C8orf82: variants seen among roughly 807,000 people sequenced by gnomAD.
C8orf82 encodes UPF0598 protein C8orf82.
A neutral mutation model predicts 15.0 loss-of-function variants in C8orf82; 24 were observed. The observed-to-expected ratio is 1.60, with a 90% CI of 1.16 to 2.24. C8orf82 has a LOEUF of 2.24. Ranked by LOEUF, C8orf82 falls within the 30% of genes most tolerant of loss-of-function variation. C8orf82 has a pLI of 0.00. For synonymous variants in C8orf82, 205 were observed against 152.2 expected (o/e 1.35, Z -2.55); for missense variants, 388 against 317.4 (o/e 1.22, Z -1.69).
chr8:144,529,064 C>G lies in C8orf82; in HGVS notation c.-148G>C, dbSNP rs905144085. On this transcript the variant is annotated 5_prime_UTR_variant, in exon 1 of 3. Transcript: ENST00000524821. ...CGGCGCTCTTCCCTCTCCCTCGGGC[C>G]TCGGGGGCTCGCCCGCCCTGGCCTT... The G allele has an allele frequency of 6.5e-6, 5 of 769,978 alleles. No individual in the cohort carries two copies. Among genetic ancestry groups the G allele is most frequent in the Middle Eastern group, 4.1e-4 (1 of 2,420 alleles). The allele number at this position is 769,978 out of a possible 1,614,324, so 47.7% of individuals were successfully genotyped here.
At chr8:144,528,674 C>G in intron 1 of C8orf82, 87 bp downstream of exon 1, 1 of 613,558 alleles carries the variant, frequency 1.6e-6, no homozygotes, top group Non-Finnish European at 2.0e-6. Context: ...GCAATGGTCC[C>G]GCCCACAGAG....
At position 144,526,172 on chromosome 8, in the gene C8orf82, G is replaced by C. The variant is rs1816352728; in HGVS notation, c.*1170C>G. ...CAAGTGGCCTTGGTGTTTAAATCTT[G>C]CCCTAAATTGTAACTCACATGATTA... On this transcript the variant is annotated 3_prime_UTR_variant, in exon 3 of 3. Coordinates refer to ENST00000524821, the MANE Select transcript of C8orf82 (RefSeq NM_001001795.2). 1 of 152,188 alleles carries C rather than the reference G, an allele frequency of 6.6e-6. No homozygotes were observed. The highest frequency in any genetic ancestry group is 2.1e-4 in the South Asian group (1 of 4,830). The allele number at this position is 152,188 out of a possible 1,614,324, so 9.4% of individuals were successfully genotyped here. A position where few individuals can be genotyped will look rare whatever the true frequency, so the allele number is the denominator to read the frequency against.
chr8:144,527,423 G>A lies in C8orf82; in HGVS notation c.570C>T (p.Pro190=). 1 of 1,244,008 alleles carries A rather than the reference G, an allele frequency of 8.0e-7. No homozygotes were observed. The allele number at this position is 1,244,008 out of a possible 1,614,324, so 77.1% of individuals were successfully genotyped here. Residue 190 remains proline (P), a synonymous_variant, in exon 3 of 3, where the codon CCC becomes CCT. Transcript: ENST00000524821. ...GGCGGCCCTGCCAGCGCACGTGCGA[G>A]GGCAGCGCAGGCGCGCCGGGCCCGT... is the stretch of plus-strand genomic sequence containing the variant. The part of the protein sequence containing the change: ...FEYGPGAPAL[P]SHVRWQGRRL...
At position 144,529,011 on chromosome 8, in the gene C8orf82, G is replaced by A; in HGVS notation, c.-95C>T. On this transcript the variant is annotated 5_prime_UTR_variant, in exon 1 of 3. Coordinates refer to ENST00000524821, the MANE Select transcript of C8orf82 (RefSeq NM_001001795.2). ...GCAGTAGCCCCGCGCTTCGCGTTCC[G>A]GCGGCGCCCGCCTCCGCGACCCGGG... The A allele has an allele frequency of 7.8e-7, 1 of 1,280,092 alleles. No individual in the cohort carries two copies. The highest frequency in any genetic ancestry group is 1.0e-6 in the Non-Finnish European group (1 of 994,694). 79.3% of individuals were successfully genotyped at this position (1,280,092 alleles called of 1,614,324 possible). A position where few individuals can be genotyped will look rare whatever the true frequency, so the allele number is the denominator to read the frequency against.
chr8:144,528,508 G>C (rs901950069), intron 1 of C8orf82: 16 of 1,422,432 alleles, frequency 1.1e-5, no homozygotes, highest in Non-Finnish European at 1.5e-5. Context: ...CAACGCAGCA[G>C]GGACGCGGCC....
At position 144,529,054 on chromosome 8, in the gene C8orf82, T is replaced by G; in HGVS notation, c.-138A>C. 1.2e-6 allele frequency: 1 copy of G among 863,336 alleles called. No individual in the cohort carries two copies. Among genetic ancestry groups the G allele is most frequent in the Non-Finnish European group, 1.6e-6 (1 of 626,326 alleles). 53.5% of individuals were successfully genotyped at this position (863,336 alleles called of 1,614,324 possible). A position where few individuals can be genotyped will look rare whatever the true frequency, so the allele number is the denominator to read the frequency against. On this transcript the variant is annotated 5_prime_UTR_variant, in exon 1 of 3. Coordinates refer to ENST00000524821, the MANE Select transcript of C8orf82 (RefSeq NM_001001795.2). ...GACCCGGGCCCGGCGCTCTTCCCTC[T>G]CCCTCGGGCCTCGGGGGCTCGCCCG...
At position 144,529,063 on chromosome 8, in the gene C8orf82, CCTCGGGGG is replaced by C. The variant is rs1435841860; in HGVS notation, c.-155_-148del. The C allele has an allele frequency of 2.7e-5, 21 of 787,036 alleles. No homozygotes were observed. The highest frequency in any genetic ancestry group is 7.5e-5 in the African/African-American group (4 of 53,430). 48.8% of individuals were successfully genotyped at this position (787,036 alleles called of 1,614,324 possible). A position where few individuals can be genotyped will look rare whatever the true frequency, so the allele number is the denominator to read the frequency against. On this transcript the variant is annotated 5_prime_UTR_variant, in exon 1 of 3. Transcript: ENST00000524821. ...CCGGCGCTCTTCCCTCTCCCTCGGG[CCTCGGGGG>C]CTCGCCCGCCCTGGCCTTCCGAGAG...
In C8orf82 at chr8:144,527,069, C is replaced by T. The variant is rs1816391116; in HGVS notation, c.*273G>A. On this transcript the variant is annotated 3_prime_UTR_variant, in exon 3 of 3. Coordinates refer to ENST00000524821, the MANE Select transcript of C8orf82 (RefSeq NM_001001795.2). ...ACGCTCGCGCACGCGCACCAGAGCC[C>T]CGCGCCCGCCGCCAGTGCCTGACGT... 1.2e-5 allele frequency: 2 copies of T among 167,996 alleles called. No individual in the cohort carries two copies. The highest frequency in any genetic ancestry group is 2.4e-5 in the African/African-American group (1 of 41,716). 10.4% of individuals were successfully genotyped at this position (167,996 alleles called of 1,614,324 possible). A position where few individuals can be genotyped will look rare whatever the true frequency, so the allele number is the denominator to read the frequency against.
rs1197602139 is a variant in C8orf82 at position 144,526,114 on chromosome 8, C to T, written c.*1228G>A. 1 of 152,216 alleles carries T rather than the reference C, an allele frequency of 6.6e-6. No homozygotes were observed. Among genetic ancestry groups the T allele is most frequent in the Admixed American group, 6.5e-5 (1 of 15,278 alleles). 9.4% of individuals were successfully genotyped at this position (152,216 alleles called of 1,614,324 possible). On this transcript the variant is annotated 3_prime_UTR_variant, in exon 3 of 3. Transcript: ENST00000524821. ...AACATTTGCCTGTCCATCAGCTCTT[C>T]CTCCTTTCGAGTCATGTGGAAAGGG...
rs1334313030 is a variant in C8orf82, at chr8:144,526,692, C to G, written c.*650G>C. On this transcript the variant is annotated 3_prime_UTR_variant, in exon 3 of 3. Transcript: ENST00000524821. ...TGGAACGCCCTGTGTCTGCCTCGGG[C>G]GCAGTGCGAGGCCCAAGCTGGTCTT... The G allele has an allele frequency of 1.3e-5, 2 of 152,246 alleles. No homozygotes were observed. Among genetic ancestry groups the G allele is most frequent in the African/African-American group, 4.8e-5 (2 of 41,442 alleles). The allele number at this position is 152,246 out of a possible 1,614,324, so 9.4% of individuals were successfully genotyped here.
rs11557085 is a variant in C8orf82, at chr8:144,527,516, C to T, written c.477G>A (p.Pro159=). Residue 159 remains proline, a synonymous_variant, in exon 3 of 3, where the codon CCG becomes CCA. Coordinates refer to ENST00000524821, the MANE Select transcript of C8orf82 (RefSeq NM_001001795.2). ...AANGRLYHPA[P]ERAGGVGLVR... ...CCAGGCCCACGCCGCCCGCACGCTC[C>T]GGCGCCGGGTGGTACAGGCGCCCGT... 0.46 allele frequency: 611,995 copies of T among 1,330,872 alleles called. 145,457 individuals are homozygous for T. Among genetic ancestry groups the T allele is most frequent in the South Asian group, 0.56 (32,269 of 57,128 alleles). 82.4% of individuals were successfully genotyped at this position (1,330,872 alleles called of 1,614,324 possible).
At chr8:144,528,374 C>G (rs778951078) in intron 1 of C8orf82, 2 of 1,499,796 alleles carry the variant, frequency 1.3e-6, no homozygotes, top group South Asian at 1.2e-5. Flanking sequence ...TGCTGCCTCC[C>G]GGACATGCAG....
rs1294433381 is a variant in C8orf82 at position 144,526,392 on chromosome 8, C to T, written c.*950G>A. ...TGGCTCCAGGCCTGGCCCACTCAGC[C>T]TCCCCCAGGAAGGCTTCTCAAGTGG... On this transcript the variant is annotated 3_prime_UTR_variant, in exon 3 of 3. Transcript: ENST00000524821. 6.6e-6 allele frequency: 1 copy of T among 152,234 alleles called. No individual in the cohort carries two copies. Among genetic ancestry groups the T allele is most frequent in the East Asian group, 1.9e-4 (1 of 5,186 alleles). The allele number at this position is 152,234 out of a possible 1,614,324, so 9.4% of individuals were successfully genotyped here. A position where few individuals can be genotyped will look rare whatever the true frequency, so the allele number is the denominator to read the frequency against.
intron 1 of C8orf82, 22 bp downstream of exon 1, chr8:144,528,739 C>T (rs767193462): frequency 1.7e-6 from 2 of 1,192,812 alleles, no homozygotes; most frequent in Non-Finnish European, 1.1e-6. Flanking sequence ...GCCTCTCGAG[C>T]AACGGCCCTG....
Position 144,527,227 on chromosome 8 carries a change from G to T in C8orf82, c.*115C>A, listed in dbSNP as rs937538849. On this transcript the variant is annotated 3_prime_UTR_variant, in exon 3 of 3. Coordinates refer to ENST00000524821, the MANE Select transcript of C8orf82 (RefSeq NM_001001795.2). ...GCGCCGGGTGGGGGCGGGGCCGAGC[G>T]CGCAGGCGCACTAGGCTGCCGCGAG... 2.3e-5 allele frequency: 16 copies of T among 690,648 alleles called. No homozygotes were observed. The highest frequency in any genetic ancestry group is 2.3e-4 in the African/African-American group (12 of 51,934). 42.8% of individuals were successfully genotyped at this position (690,648 alleles called of 1,614,324 possible).
rs772819100 is a variant in C8orf82 at position 144,527,701 on chromosome 8, A to G, written c.292T>C (p.Cys98Arg). Residue 98 changes from cysteine (C) to arginine (R), a missense_variant, in exon 3 of 3, where the codon TGC becomes CGC. Cys to Arg is a radical substitution (Grantham distance 180). Transcript: ENST00000524821. ...YEAAFPFLSP[C>R]GRERNFLRCE... ...CGCAGGAAGTTGCGCTCTCTGCCGC[A>G]GGGCGAGAGGAAGGGGAAAGCGGCC... 3.8e-6 allele frequency: 6 copies of G among 1,585,152 alleles called. No individual in the cohort carries two copies. The highest frequency in any genetic ancestry group is 5.1e-6 in the Non-Finnish European group (6 of 1,173,116).
In C8orf82 at chr8:144,527,731, A is replaced by G. The variant is rs1439804592; in HGVS notation, c.262T>C (p.Tyr88His). 2 of 1,592,672 alleles carry G rather than the reference A, an allele frequency of 1.3e-6. No homozygotes were observed. Among genetic ancestry groups the G allele is most frequent in the Admixed American group, 3.4e-5 (2 of 59,314 alleles). ...GAGAGGAAGGGGAAAGCGGCCTCGT[A>G]GCGCCCGCTGCGGTTGGGTCTCAGG... ...SRLRPNRSGR[Y>H]EAAFPFLSPC... Residue 88 changes from tyrosine to histidine, a missense_variant, in exon 3 of 3, where the codon TAC becomes CAC. Coordinates refer to ENST00000524821, the MANE Select transcript of C8orf82 (RefSeq NM_001001795.2).
At position 144,526,667 on chromosome 8, in the gene C8orf82, T is replaced by C. The variant is rs900941845; in HGVS notation, c.*675A>G. On this transcript the variant is annotated 3_prime_UTR_variant, in exon 3 of 3. Coordinates refer to ENST00000524821, the MANE Select transcript of C8orf82 (RefSeq NM_001001795.2). The stretch of plus-strand genomic sequence containing the variant: ...GTGCGGGAGCGGGGAGGGAAGAGGA[T>C]GGAACGCCCTGTGTCTGCCTCGGGC... 2 of 152,194 alleles carry C rather than the reference T, an allele frequency of 1.3e-5. No homozygotes were observed. The highest frequency in any genetic ancestry group is 2.9e-5 in the Non-Finnish European group (2 of 68,022). 9.4% of individuals were successfully genotyped at this position (152,194 alleles called of 1,614,324 possible).
In C8orf82 at chr8:144,528,993, C is replaced by T. The variant is rs1171773897; in HGVS notation, c.-77G>A. Reference sequence around the variant, plus strand: ...GCGAACTCGCGCCTGCCCGCAGTAGCCCCGCGCTTCGCGTTCCGGCGGCGC... The same window carrying T: ...GCGAACTCGCGCCTGCCCGCAGTAGTCCCGCGCTTCGCGTTCCGGCGGCGC... On this transcript the variant is annotated 5_prime_UTR_variant, in exon 1 of 3. Transcript: ENST00000524821. 3 of 1,358,656 alleles carry T rather than the reference C, an allele frequency of 2.2e-6. No homozygotes were observed. The highest frequency in any genetic ancestry group is 1.9e-6 in the Non-Finnish European group (2 of 1,054,512). 84.2% of individuals were successfully genotyped at this position (1,358,656 alleles called of 1,614,324 possible). A position where few individuals can be genotyped will look rare whatever the true frequency, so the allele number is the denominator to read the frequency against.
Sources: gnomAD v4.1 joint callset for allele counts on GRCh38, gnomAD v4.1.1 for gene constraint, MANE v1.5 for transcripts, NCBI Gene and HGNC (gene_info 2026-07-23, HGNC 2026-07-21) for gene names.